The following ADAM21 variants were observed in gnomAD, a reference collection of about 807,000 sequenced individuals.
The protein encoded by ADAM21 is ADAM metallopeptidase domain 21, also known as disintegrin and metalloproteinase domain-containing protein 21.
For missense variants in ADAM21, 678 were observed against 874.4 expected, an observed-to-expected ratio of 0.78 and a Z score of 2.83; for synonymous variants, 262 against 306.0, an observed-to-expected ratio of 0.86 and a Z score of 1.50.
chr14:70,456,144 A>C (rs1015460191), intron 1 of ADAM21, among the ~76,000 whole-genome samples: 2 of 152,130 alleles, frequency 1.3e-5, no homozygotes, highest in African/African-American at 4.8e-5. Context: ...TCTCCTCAGC[A>C]AAAAAAGTCA....
Position 70,457,887 on chromosome 14 carries a change from G to A in ADAM21, c.388G>A (p.Gly130Arg). The change falls in exon 2 of 2, where the codon GGG becomes AGG. Residue 130 changes from glycine (G) to arginine (R), a missense_variant. Gly to Arg is a moderately radical substitution (Grantham distance 125). Transcript: ENST00000603540. ...TCTGGTTGTGTTCAGTGCTTGTTTTGGGGGCTTTCGAGGAGTATTAAAAAT... is the reference window on the plus strand; with the variant it reads ...TCTGGTTGTGTTCAGTGCTTGTTTTAGGGGCTTTCGAGGAGTATTAAAAAT... Reference protein sequence around the residue: ...ESLVVFSACFGGFRGVLKISG... With the variant: ...ESLVVFSACFRGFRGVLKISG... 1 of 1,613,960 alleles carries A rather than the reference G, an allele frequency of 6.2e-7. No homozygotes were observed. Among genetic ancestry groups the A allele is most frequent in the Non-Finnish European group, 8.5e-7 (1 of 1,180,004 alleles).
In ADAM21 at chr14:70,458,571, T is replaced by C; in HGVS notation, c.1072T>C (p.Cys358Arg). 1 of 1,611,938 alleles carries C rather than the reference T, an allele frequency of 6.2e-7. No homozygotes were observed. ...GCAGCATGATGAAGAATTCTGTTTT[T>C]GTGGGGAAAGAGGTTGCATCATGAA... ...GMQHDEEFCF[C>R]GERGCIMNTF... is the part of the protein sequence containing the mutation. The change falls in exon 2 of 2, where the codon TGT (cysteine) becomes CGT (arginine). Residue 358 changes from cysteine to arginine, a missense_variant. Physicochemically the swap from Cys to Arg is radical, Grantham distance 180. Coordinates refer to ENST00000603540, the MANE Select transcript of ADAM21 (RefSeq NM_003813.4).
intron 1 of ADAM21, among the ~76,000 whole-genome samples, chr14:70,456,719 A>G (rs1374474302): frequency 6.6e-6 from 1 of 152,164 alleles, no homozygotes; most frequent in Non-Finnish European, 1.5e-5. Flanking sequence ...ATAATCCAAG[A>G]CATTTTGCAA....
chr14:70,456,359 G>T (rs1320411036), intron 1 of ADAM21, among the ~76,000 whole-genome samples: 1 of 152,150 alleles, frequency 6.6e-6, no homozygotes, highest in Non-Finnish European at 1.5e-5. Context: ...AAATGGATAA[G>T]TGTTGCCAGC....
intron 1 of ADAM21, among the ~76,000 whole-genome samples, chr14:70,453,664 G>A (rs1474305323): frequency 2.0e-5 from 3 of 152,156 alleles, no homozygotes; most frequent in Non-Finnish European, 2.9e-5. Flanking sequence ...TCTTTGATTA[G>A]TTCTTCCCAT....
chr14:70,459,477 C>G lies in ADAM21; in HGVS notation c.1978C>G (p.Pro660Ala), dbSNP rs1479560787. 1 of 1,614,200 alleles carries G rather than the reference C, an allele frequency of 6.2e-7. No homozygotes were observed. Among genetic ancestry groups the G allele is most frequent in the South Asian group, 1.1e-5 (1 of 91,090 alleles). Residue 660 changes from proline to alanine, a missense_variant, in exon 2 of 2, where the codon CCC (proline) becomes GCC (alanine). Transcript: ENST00000603540. ...HCHCGYGWSP[P>A]YCQHRGYGGS... ...CCACTGTGGCTATGGGTGGTCCCCACCCTACTGCCAGCACAGAGGCTATGG... is the reference window on the plus strand; with the variant it reads ...CCACTGTGGCTATGGGTGGTCCCCAGCCTACTGCCAGCACAGAGGCTATGG...
chr14:70,453,238 C>T (rs1889063316), intron 1 of ADAM21, among the ~76,000 whole-genome samples: 1 of 152,176 alleles, frequency 6.6e-6, no homozygotes, highest in Non-Finnish European at 1.5e-5. Context: ...AGCTGAATTA[C>T]TTCCATGACT....
At chr14:70,456,734 T>G (rs1236237230) in intron 1 of ADAM21, among the ~76,000 whole-genome samples, 2 of 152,186 alleles carry the variant, frequency 1.3e-5, no homozygotes, top group Admixed American at 1.3e-4. Context: ...TTGCAATCCC[T>G]CCTCCGTTTT....
intron 1 of ADAM21, among the ~76,000 whole-genome samples, chr14:70,456,060 T>C (rs1398104810): frequency 3.9e-5 from 6 of 152,160 alleles, no homozygotes; most frequent in African/African-American, 1.4e-4. Context: ...TTTTTGTTTG[T>C]TTCTACACAT....
At position 70,457,856 on chromosome 14, in the gene ADAM21, T is replaced by C. The variant is rs1297699133; in HGVS notation, c.357T>C (p.Pro119=). 2 of 1,613,802 alleles carry C rather than the reference T, an allele frequency of 1.2e-6. No homozygotes were observed. The highest frequency in any genetic ancestry group is 4.5e-5 in the East Asian group (2 of 44,838). ...ATCATGGTTACGTGGAGGCAGCCCC[T>C]GAGTCTCTGGTTGTGTTCAGTGCTT... is the stretch of plus-strand genomic sequence containing the variant. ...CYYHGYVEAA[P]ESLVVFSACF... is the part of the protein sequence containing the mutation. The change falls in exon 2 of 2, where the codon CCT becomes CCC. Residue 119 remains proline, a synonymous_variant. Coordinates refer to ENST00000603540, the MANE Select transcript of ADAM21 (RefSeq NM_003813.4).
At chr14:70,453,254 G>GGGACAGATATTAGTGAC (rs1383062572) in intron 1 of ADAM21, among the ~76,000 whole-genome samples, 4 of 152,174 alleles carry the variant, frequency 2.6e-5, no homozygotes, top group Admixed American at 1.3e-4. Context: ...TGACTCTAAT[G>GGGACAGATATTAGTGAC]GGACAGATAT....
Position 70,455,861 on chromosome 14 carries a change from C to T in ADAM21, c.-151-1488C>T, listed in dbSNP as rs148093871. ...ACCTCTATTAAGTCTTTTATGTATG[C>T]GATGTAATATTTCAGGGTGTTTGAG... On this transcript the variant is annotated intron_variant, in intron 1 of 1. Coordinates refer to ENST00000603540, the MANE Select transcript of ADAM21 (RefSeq NM_003813.4). 2.6e-4 allele frequency among the ~76,000 whole-genome samples: 39 copies of T among 152,036 alleles called. 1 individual carries two copies. The highest frequency in any genetic ancestry group is 9.4e-4 in the African/African-American group (39 of 41,506).
intron 1 of ADAM21, chr14:70,453,525 A>G (rs1008681713): frequency 5.3e-5 from 8 of 152,158 alleles, no homozygotes; most frequent in Non-Finnish European, 8.8e-5. Flanking sequence ...AATGAAGACA[A>G]TGAGTCTGGT....
chr14:70,459,889 A>G lies in ADAM21; in HGVS notation c.*221A>G. 1 of 572,136 alleles carries G rather than the reference A, an allele frequency of 1.7e-6. No homozygotes were observed. Among genetic ancestry groups the G allele is most frequent in the South Asian group, 2.1e-5 (1 of 48,116 alleles). The allele number at this position is 572,136 out of a possible 1,614,324, so 35.4% of individuals were successfully genotyped here. On this transcript the variant is annotated 3_prime_UTR_variant, in exon 2 of 2. Transcript: ENST00000603540. ...TGTTTTAAGCAGCAAATAAAGCTAC[A>G]TCCTTCCCTCCCTTTAGTCCTTGTT... is the stretch of plus-strand genomic sequence containing the variant.
In ADAM21 at chr14:70,457,786, G is replaced by A. The variant is rs758836665; in HGVS notation, c.287G>A (p.Arg96His). 6.3e-5 allele frequency: 102 copies of A among 1,611,832 alleles called. No individual in the cohort carries two copies. In the Middle Eastern group the frequency reaches 8.3e-4, roughly 13 times the overall value. Residue 96 changes from arginine to histidine, a missense_variant, in exon 2 of 2, where the codon CGT becomes CAT. Coordinates refer to ENST00000603540, the MANE Select transcript of ADAM21 (RefSeq NM_003813.4). ...CCAGTGTTCACCTACACAGATGACCGTGCACTCCTGGAGGATCAGCTCTTC... is the reference window on the plus strand; with the variant it reads ...CCAGTGTTCACCTACACAGATGACCATGCACTCCTGGAGGATCAGCTCTTC... ...HLPVFTYTDDRALLEDQLFIP... is the reference protein window; with the variant it reads ...HLPVFTYTDDHALLEDQLFIP...
At position 70,459,478 on chromosome 14, in the gene ADAM21, C is replaced by T. The variant is rs375790738; in HGVS notation, c.1979C>T (p.Pro660Leu). The change falls in exon 2 of 2, where the codon CCC (proline) becomes CTC (leucine). Residue 660 changes from proline (P) to leucine (L), a missense_variant. Coordinates refer to ENST00000603540, the MANE Select transcript of ADAM21 (RefSeq NM_003813.4). ...HCHCGYGWSP[P>L]YCQHRGYGGS... is the part of the protein sequence containing the mutation. ...CACTGTGGCTATGGGTGGTCCCCAC[C>T]CTACTGCCAGCACAGAGGCTATGGG... 14 of 1,614,100 alleles carry T rather than the reference C, an allele frequency of 8.7e-6. No homozygotes were observed. In the African/African-American group the frequency reaches 1.5e-4, roughly 17 times the overall value.
Position 70,458,331 on chromosome 14 carries a change from G to T in ADAM21, c.832G>T (p.Asp278Tyr), listed in dbSNP as rs1232726512. ...PMTSIEQVLN[D>Y]FSQWKQISLS... The stretch of plus-strand genomic sequence containing the variant: ...GACAAGCATAGAACAGGTCCTGAAC[G>T]ATTTCTCTCAATGGAAACAAATCAG... Residue 278 changes from aspartate to tyrosine, a missense_variant, in exon 2 of 2, where the codon GAT (aspartate) becomes TAT (tyrosine). Asp to Tyr is a radical substitution (Grantham distance 160, BLOSUM62 -3). Transcript: ENST00000603540. The T allele has an allele frequency of 1.9e-6, 3 of 1,614,116 alleles. No homozygotes were observed. Among genetic ancestry groups the T allele is most frequent in the Non-Finnish European group, 2.5e-6 (3 of 1,180,030 alleles).
intron 1 of ADAM21, among the ~76,000 whole-genome samples, chr14:70,454,009 T>C (rs951701537): frequency 3.3e-5 from 5 of 152,194 alleles, no homozygotes; most frequent in Admixed American, 6.5e-5. Context: ...AAACCTTAAA[T>C]ACTTTATATT....
Position 70,452,579 on chromosome 14 carries a change from G to A in ADAM21, c.-152+316G>A, listed in dbSNP as rs1889052946. ...AACGGGGTTTCACCATGTTAGCCAG[G>A]ATGGTCTCGATCTCCTGACCTCGTG... is the stretch of plus-strand genomic sequence containing the variant. On this transcript the variant is annotated intron_variant, in intron 1 of 1. Coordinates refer to ENST00000603540, the MANE Select transcript of ADAM21 (RefSeq NM_003813.4). 2.0e-5 allele frequency among the ~76,000 whole-genome samples: 3 copies of A among 152,256 alleles called. No individual in the cohort carries two copies. The South Asian group carries it at 6.2e-4, about 32-fold the overall frequency.
Sources: gnomAD v4.1 joint callset for allele counts (sites outside exome capture counted in the v4.1 genomes callset) on GRCh38, gnomAD v4.1.1 for gene constraint, MANE v1.5 for transcripts, NCBI Gene and HGNC (gene_info 2026-07-23, HGNC 2026-07-21) for gene names.